The following URGCP variants were observed in gnomAD, a reference collection of about 807,000 sequenced individuals.
URGCP encodes the protein upregulator of cell proliferation, also known as up-regulator of cell proliferation.
A neutral mutation model predicts 24.6 loss-of-function variants in URGCP; 13 were observed. That is an observed-to-expected ratio of 0.53 (90% CI 0.34 to 0.84). The LOEUF (loss-of-function observed/expected upper bound fraction) is 0.84, where lower values mean the gene tolerates loss of function less well. URGCP is among the 40% of genes least tolerant of loss of function. The pLI is 0.01. For missense variants in URGCP, 899 were observed against 1,194.3 expected (o/e 0.75, Z 3.64); for synonymous variants, 444 against 487.2 (o/e 0.91, Z 1.17).
intron 1 of URGCP, among the ~76,000 whole-genome samples, chr7:43,924,017 ATGC>A (rs2095925726): frequency 1.3e-5 from 2 of 151,916 alleles, no homozygotes; most frequent in Non-Finnish European, 2.9e-5. Flanking sequence ...CTACAGGTGC[ATGC>A]CACCACACCT....
Position 43,876,718 on chromosome 7 carries a change from C to T in URGCP, c.2745G>A (p.Ser915=), listed in dbSNP as rs2095844993. The T allele has an allele frequency of 1.9e-6, 3 of 1,614,162 alleles. No homozygotes were observed. The highest frequency in any genetic ancestry group is 1.3e-5 in the African/African-American group (1 of 75,058). The change falls in exon 6 of 6, where the codon TCG becomes TCA. Residue 915 remains serine, a synonymous_variant. Coordinates refer to ENST00000453200, the MANE Select transcript of URGCP (RefSeq NM_001077663.3). ...CLLENIRNGL[S]NQNKNIQQLI... ...GCTGCTGGATGTTTTTGTTTTGGTT[C>T]GACAAGCCGTTCCTGATGTTTTCGA...
At chr7:43,913,363 C>T (rs1391924451) in intron 1 of URGCP, among the ~76,000 whole-genome samples, 3 of 151,906 alleles carry the variant, frequency 2.0e-5, no homozygotes, top group Non-Finnish European at 4.4e-5. Flanking sequence ...CGCCTGCCAC[C>T]ACTCCCGGCT....
chr7:43,883,579 T>C (rs2046657002), intron 3 of URGCP, among the ~76,000 whole-genome samples: 1 of 151,780 alleles, frequency 6.6e-6, no homozygotes, highest in Non-Finnish European at 1.5e-5. Context: ...GCCAGGATGG[T>C]CTCGATCTCC....
intron 1 of URGCP, among the ~76,000 whole-genome samples, chr7:43,921,068 T>G (rs557762759): frequency 6.6e-6 from 1 of 152,348 alleles, no homozygotes; most frequent in East Asian, 1.9e-4. Context: ...GGCCCACACC[T>G]GTAATCCCAG....
chr7:43,905,328 T>C (rs528335411), intron 1 of URGCP, among the ~76,000 whole-genome samples: 2 of 152,102 alleles, frequency 1.3e-5, no homozygotes, highest in East Asian at 1.9e-4. Context: ...CTTGAACCCC[T>C]AGGTCAATCA....
intron 5 of URGCP, chr7:43,881,366 A>C: frequency 1.6e-6 from 1 of 631,236 alleles, no homozygotes; most frequent in Non-Finnish European, 2.8e-6. Context: ...AAAAAATGAA[A>C]CATCTCTGGG....
chr7:43,881,998 C>T (rs775828506), intron 3 of URGCP, 41 bp from the exon 4 acceptor site: 3 of 1,613,022 alleles, frequency 1.9e-6, no homozygotes, highest in Non-Finnish European at 2.5e-6. Flanking sequence ...GTTTCATCAG[C>T]AAGTTAGAAC....
At chr7:43,915,030 T>C (rs1425913095) in intron 1 of URGCP, among the ~76,000 whole-genome samples, 2 of 152,264 alleles carry the variant, frequency 1.3e-5, no homozygotes, top group Non-Finnish European at 2.9e-5. Context: ...TCACCCCTTA[T>C]GCTGGGAGAG....
upstream of URGCP, among the ~76,000 whole-genome samples, chr7:43,908,923 C>T (rs187297830): frequency 6.6e-6 from 1 of 152,236 alleles, no homozygotes; most frequent in Admixed American, 6.5e-5. Context: ...TCCCGTGGCC[C>T]GTACACTTAA....
At chr7:43,916,171 G>A (rs1184395868) in intron 1 of URGCP, among the ~76,000 whole-genome samples, 1 of 152,114 alleles carries the variant, frequency 6.6e-6, no homozygotes, top group Non-Finnish European at 1.5e-5. Flanking sequence ...CCAGGAATAG[G>A]TTGGTGCAAA....
chr7:43,878,485 G>A lies in URGCP; in HGVS notation c.978C>T (p.Asp326=). 6.2e-7 allele frequency: 1 copy of A among 1,614,192 alleles called. No homozygotes were observed. Among genetic ancestry groups the A allele is most frequent in the Non-Finnish European group, 8.5e-7 (1 of 1,180,040 alleles). Residue 326 remains aspartate (D), a synonymous_variant, in exon 6 of 6, where the codon GAC becomes GAT. Coordinates refer to ENST00000453200, the MANE Select transcript of URGCP (RefSeq NM_001077663.3). This position sits in a 1 kb window ranked among gnomAD's most constrained non-coding sequence, Gnocchi z 5.6. ...WFFPSGREDL[D]IFPEPVAFLN... ...GAAAGGCCACAGGTTCTGGGAAAAT[G>A]TCCAAGTCCTCCCTTCCGCTGGGAA...
At chr7:43,883,016 G>C (rs553035902) in intron 3 of URGCP, among the ~76,000 whole-genome samples, 3 of 152,196 alleles carry the variant, frequency 2.0e-5, no homozygotes, top group Non-Finnish European at 4.4e-5. Flanking sequence ...TGAGGTGCGG[G>C]GGGAGAGACA....
chr7:43,894,147 C>A (rs571994612), intron 1 of URGCP, among the ~76,000 whole-genome samples: 93 of 152,176 alleles, frequency 6.1e-4, no homozygotes, highest in African/African-American at 1.8e-3. Context: ...GAATTCAATA[C>A]CCATTTTCAG....
At position 43,877,866 on chromosome 7, in the gene URGCP, G is replaced by A. The variant is rs7807549; in HGVS notation, c.1597C>T (p.Leu533=). The A allele has an allele frequency of 3.0e-3, 4,839 of 1,612,270 alleles. 120 individuals carry two copies. In the African/African-American group the frequency reaches 0.055, roughly 18 times the overall value. The change falls in exon 6 of 6, where the codon CTA becomes TTA. Residue 533 remains leucine, a synonymous_variant. Transcript: ENST00000453200. The stretch of plus-strand genomic sequence containing the variant: ...CCGTTCTGCTGCATTCGAAGTTCTA[G>A]CAGCCGCCGCCTCAGCTCAGCCCTG... The part of the protein sequence containing the change: ...KHRAELRRRL[L]ELRMQQNGHD...
chr7:43,905,179 GCAC>G (rs1439363997), intron 1 of URGCP, among the ~76,000 whole-genome samples: 1 of 151,016 alleles, frequency 6.6e-6, no homozygotes, highest in Non-Finnish European at 1.5e-5. Flanking sequence ...GTGTACTTGG[GCAC>G]CAAATGCACC....
intron 5 of URGCP, chr7:43,879,652 T>A: frequency 5.8e-6 from 1 of 173,862 alleles, no homozygotes; most frequent in Non-Finnish European, 1.2e-5. Flanking sequence ...TCCTACAAGC[T>A]GAATGCAGGC....
At position 43,878,833 on chromosome 7, in the gene URGCP, C is replaced by T; in HGVS notation, c.630G>A (p.Gln210=). 1 of 1,614,136 alleles carries T rather than the reference C, an allele frequency of 6.2e-7. No individual in the cohort carries two copies. The highest frequency in any genetic ancestry group is 8.5e-7 in the Non-Finnish European group (1 of 1,180,002). ...CAGGCAACACGAGTGGGAGTGCAAACTGGCAGAGGGCCATTTTCAACGCTA... is the reference window on the plus strand; with the variant it reads ...CAGGCAACACGAGTGGGAGTGCAAATTGGCAGAGGGCCATTTTCAACGCTA... The part of the protein sequence containing the change: ...QEIALKMALC[Q]FALPLVLPDS... Residue 210 remains glutamine, a synonymous_variant, in exon 6 of 6, where the codon CAG becomes CAA. Transcript: ENST00000453200. The surrounding 1 kb of genome is among the most constrained non-coding windows in gnomAD (Gnocchi z 5.6).
chr7:43,926,646 AG>A, upstream of URGCP: 1 of 1,368,970 alleles, frequency 7.3e-7, no homozygotes. Context: ...AAGGTGACGG[AG>A]GCTCCGCGAG....
upstream of URGCP, among the ~76,000 whole-genome samples, chr7:43,911,363 C>T (rs892818997): frequency 4.3e-4 from 65 of 151,174 alleles, no homozygotes; most frequent in African/African-American, 1.4e-3. Flanking sequence ...ATCATGCCAC[C>T]GATTCCAGCC....
Sources: gnomAD v4.1 joint callset for allele counts (sites outside exome capture counted in the v4.1 genomes callset) on GRCh38, gnomAD v4.1.1 for gene constraint, Gnocchi (gnomAD v3.1) non-coding constraint, MANE v1.5 for transcripts, NCBI Gene and HGNC (gene_info 2026-07-23, HGNC 2026-07-21) for gene names.